DGKI: variants seen among roughly 807,000 people sequenced by gnomAD.
DGKI encodes the protein DAG kinase iota.
In DGKI, 55 loss-of-function variants were observed where a neutral mutation model predicts 147.5. That is an observed-to-expected ratio of 0.37 (90% CI 0.30 to 0.47). DGKI has a LOEUF of 0.47. Among genes scored for constraint, DGKI ranks in the 20% least tolerant of loss-of-function variants. DGKI has a pLI of 1.00. For synonymous variants in DGKI, 469 were observed against 477.1 expected (o/e 0.98, Z 0.22); for missense variants, 1,007 against 1,323.8 (o/e 0.76, Z 3.71).
chr7:137,802,368 TC>T (rs1396063672), intron 1 of DGKI, among the ~76,000 whole-genome samples: 1 of 152,164 alleles, frequency 6.6e-6, no homozygotes, highest in African/African-American at 2.4e-5. Context: ...AACCACCTGT[TC>T]CCCAAAAACT....
intron 7 of DGKI, among the ~76,000 whole-genome samples, chr7:137,621,373 T>C (rs1349389779): frequency 6.6e-6 from 1 of 152,196 alleles, no homozygotes; most frequent in Non-Finnish European, 1.5e-5. Flanking sequence ...AATGAATACT[T>C]AAGTAATCTC....
intron 19 of DGKI, among the ~76,000 whole-genome samples, chr7:137,556,683 T>G (rs981562498): frequency 6.6e-6 from 1 of 152,192 alleles, no homozygotes; most frequent in Non-Finnish European, 1.5e-5. Flanking sequence ...CTTAAGTAAA[T>G]GGAGAGGCAT....
At chr7:137,586,278 AT>A (rs1819392753) in intron 13 of DGKI, among the ~76,000 whole-genome samples, 1 of 152,114 alleles carries the variant, frequency 6.6e-6, no homozygotes, top group African/African-American at 2.4e-5. Context: ...TACAAAAAAA[AT>A]TAGCTGCACA....
intron 20 of DGKI, among the ~76,000 whole-genome samples, chr7:137,530,169 C>T (rs1817290794): frequency 6.6e-6 from 1 of 152,178 alleles, no homozygotes; most frequent in Non-Finnish European, 1.5e-5. Flanking sequence ...GTTACTTTCT[C>T]TTTTTCCTTT....
At chr7:137,423,398 A>C (rs1812657519) in intron 28 of DGKI, among the ~76,000 whole-genome samples, 1 of 152,306 alleles carries the variant, frequency 6.6e-6, no homozygotes, top group African/African-American at 2.4e-5. Flanking sequence ...CTCTGAAAGG[A>C]ACTTGGGGTG....
In DGKI at chr7:137,389,653, G is replaced by A. The variant is rs1433746888; in HGVS notation, c.*1567C>T. The A allele has an allele frequency of 6.6e-6, 1 of 152,134 alleles. No homozygotes were observed. Among genetic ancestry groups the A allele is most frequent in the Non-Finnish European group, 1.5e-5 (1 of 68,012 alleles). 9.4% of individuals were successfully genotyped at this position (152,134 alleles called of 1,614,324 possible). On this transcript the variant is annotated 3_prime_UTR_variant, in exon 33 of 33. Transcript: ENST00000614521. The stretch of plus-strand genomic sequence containing the variant: ...TATTTTTGACTTACCCCCAAGTCAA[G>A]TAGATATTTGGACAGAAAGACAGAC...
rs1467193054 is a variant in DGKI, at chr7:137,706,819, AC to A, written c.402-16818del. Among the ~76,000 whole-genome samples the A allele has an allele frequency of 4.6e-5, 7 of 151,564 alleles. No homozygotes were observed. The South Asian group carries it at 1.5e-3, about 32-fold the overall frequency. On this transcript the variant is annotated intron_variant, in intron 1 of 32. Coordinates refer to ENST00000614521, the MANE Select transcript of DGKI (RefSeq NM_001321708.2). ...GATCTCCTGACCTCGTGATCCACCCACCTCGGCCTCCCATAGTGCTGGGATT... is the reference window on the plus strand; with the variant it reads ...GATCTCCTGACCTCGTGATCCACCCACTCGGCCTCCCATAGTGCTGGGATT...
At chr7:137,521,217 T>A (rs10260210) in intron 21 of DGKI, among the ~76,000 whole-genome samples, 13,993 of 152,044 alleles carry the variant, frequency 0.092, 1,397 homozygotes, top group African/African-American at 0.24. Context: ...ATGTACCAGA[T>A]TGTAAAAAGT....
At chr7:137,790,231 A>AAC (rs137932599) in intron 1 of DGKI, among the ~76,000 whole-genome samples, 16,304 of 143,732 alleles carry the variant, frequency 0.11, 926 homozygotes, top group African/African-American at 0.14. Context: ...GTGTATTACC[A>AAC]ACACACACAC....
chr7:137,509,342 G>A (rs1816496928), intron 21 of DGKI, among the ~76,000 whole-genome samples: 1 of 152,176 alleles, frequency 6.6e-6, no homozygotes, highest in Admixed American at 6.5e-5. Flanking sequence ...TACAGTCAAT[G>A]AGCTGAGCAA....
intron 1 of DGKI, chr7:137,722,380 C>T: frequency 1.2e-6 from 2 of 1,612,708 alleles, no homozygotes; most frequent in Non-Finnish European, 1.7e-6. Flanking sequence ...CAGCAAAAAA[C>T]CCTTCAGTCA....
chr7:137,449,937 A>T (rs1813885932), intron 27 of DGKI, among the ~76,000 whole-genome samples: 1 of 152,248 alleles, frequency 6.6e-6, no homozygotes, highest in Admixed American at 6.5e-5. Context: ...ATACACAATG[A>T]AATACTAGTC....
At chr7:137,542,997 G>A (rs911752800) in intron 20 of DGKI, among the ~76,000 whole-genome samples, 1 of 152,132 alleles carries the variant, frequency 6.6e-6, no homozygotes, top group Non-Finnish European at 1.5e-5. Context: ...GAATAAATTA[G>A]GTGTAAATGG....
intron 1 of DGKI, among the ~76,000 whole-genome samples, chr7:137,842,586 C>T (rs905708028): frequency 6.6e-6 from 1 of 152,138 alleles, no homozygotes; most frequent in African/African-American, 2.4e-5. Flanking sequence ...TTCTGTGCTG[C>T]CCAAAGAGGT....
intron 28 of DGKI, among the ~76,000 whole-genome samples, chr7:137,429,306 G>C (rs1404907030): frequency 6.6e-6 from 1 of 151,990 alleles, no homozygotes; most frequent in Admixed American, 6.6e-5. Context: ...ATGGGGAAAG[G>C]ATTCCCTATT....
At position 137,463,606 on chromosome 7, in the gene DGKI, GAGA is replaced by G; in HGVS notation, c.2615_2617del (p.Ile872_Ser873delinsThr). ...CCGCAGGGCAGGATTCCACCAGTCT[GAGA>G]TCCTGAGAGAAAGAAGGGCACCAGA... is the stretch of plus-strand genomic sequence containing the variant. On this transcript the variant is annotated inframe_deletion and splice_region_variant, in exon 27 of 33. Coordinates refer to ENST00000614521, the MANE Select transcript of DGKI (RefSeq NM_001321708.2). 2 of 1,614,022 alleles carry G rather than the reference GAGA, an allele frequency of 1.2e-6. No homozygotes were observed. The highest frequency in any genetic ancestry group is 1.7e-6 in the Non-Finnish European group (2 of 1,179,958).
At chr7:137,630,994 G>GA (rs1004565178) in intron 6 of DGKI, among the ~76,000 whole-genome samples, 6 of 150,992 alleles carry the variant, frequency 4.0e-5, no homozygotes, top group South Asian at 2.1e-4. Flanking sequence ...GGTTTTTTTT[G>GA]AAAAAAAGAC....
chr7:137,825,685 T>TACACACACAC (rs547568451), intron 1 of DGKI, among the ~76,000 whole-genome samples: 1 of 149,078 alleles, frequency 6.7e-6, no homozygotes, highest in Admixed American at 6.7e-5. Context: ...CACACACACA[T>TACACACACAC]ACACACACAC....
chr7:137,490,528 A>G (rs1029021051), intron 21 of DGKI, among the ~76,000 whole-genome samples: 2 of 152,238 alleles, frequency 1.3e-5, no homozygotes, highest in African/African-American at 2.4e-5. Context: ...CGTAAGTTAT[A>G]TGCCAGTTTT....
Sources: allele counts gnomAD v4.1 joint callset (sites outside exome capture counted in the v4.1 genomes callset), GRCh38; gene constraint gnomAD v4.1.1; transcripts MANE v1.5; gene names NCBI Gene and HGNC (gene_info 2026-07-23, HGNC 2026-07-21).